The following PPP2R5E variants were observed in gnomAD, a reference collection of about 807,000 sequenced individuals.
The protein encoded by PPP2R5E is protein phosphatase 2 regulatory subunit B'epsilon.
PPP2R5E carries 4 observed loss-of-function variants against 65.3 expected under a neutral mutation model. The ratio of observed to expected loss-of-function variants is 0.06; its 90% CI spans 0.03 to 0.14. PPP2R5E has a LOEUF of 0.14. Ranked by LOEUF, PPP2R5E falls within the 10% of genes least tolerant of loss-of-function variation. The pLI is 1.00. For missense variants in PPP2R5E, 274 were observed against 556.1 expected (o/e 0.49, Z 5.10); for synonymous variants, 183 against 187.4 (o/e 0.98, Z 0.19).
At position 63,501,361 on chromosome 14, in the gene PPP2R5E, T is replaced by C. The variant is rs528957418; in HGVS notation, c.157+38168A>G. On this transcript the variant is annotated intron_variant, in intron 2 of 13. Coordinates refer to ENST00000337537, the MANE Select transcript of PPP2R5E (RefSeq NM_006246.5). The stretch of plus-strand genomic sequence containing the variant: ...CGGAGCTTGCAGTGAGCCGATACAG[T>C]GCCACTGCACTCCAGCCTGGGCGAC... Among the ~76,000 whole-genome samples the C allele has an allele frequency of 5.5e-3, 809 of 147,792 alleles. 1 individual carries two copies. The highest frequency in any genetic ancestry group is 9.1e-3 in the Non-Finnish European group (613 of 67,542).
At chr14:63,433,826 G>A (rs572251666) in intron 3 of PPP2R5E, among the ~76,000 whole-genome samples, 1 of 152,270 alleles carries the variant, frequency 6.6e-6, no homozygotes, top group East Asian at 1.9e-4. Flanking sequence ...TCCTTTGAGA[G>A]GTTATCTTTC....
chr14:63,433,032 G>GTTTTTTTTTTTTTTTTTTTTTTTTTT (rs747571866), intron 3 of PPP2R5E, among the ~76,000 whole-genome samples: 2 of 96,468 alleles, frequency 2.1e-5, no homozygotes, highest in South Asian at 3.8e-4. Flanking sequence ...GTTTTGTTTT[G>GTTTTTTTTTTTTTTTTTTTTTTTTTT]TTTTTTTTTT....
At chr14:63,379,826 CTTT>C (rs558475440) in intron 13 of PPP2R5E, among the ~76,000 whole-genome samples, 23 of 100,280 alleles carry the variant, frequency 2.3e-4, no homozygotes, top group African/African-American at 1.1e-3. Context: ...TATTCTCTCT[CTTT>C]TTTTTTTTTT....
chr14:63,382,732 G>C (rs1383523858), intron 12 of PPP2R5E, among the ~76,000 whole-genome samples: 1 of 152,160 alleles, frequency 6.6e-6, no homozygotes, highest in Non-Finnish European at 1.5e-5. Flanking sequence ...CCAGAATAGA[G>C]CTGCCTGTGG....
intron 2 of PPP2R5E, among the ~76,000 whole-genome samples, chr14:63,501,713 C>A (rs1438652476): frequency 2.6e-5 from 4 of 151,984 alleles, no homozygotes; most frequent in Admixed American, 1.3e-4. Flanking sequence ...CTGTATAGTA[C>A]GTGAATTATG....
Position 63,391,804 on chromosome 14 carries a change from A to G in PPP2R5E, c.954+13T>C. 5 of 1,610,812 alleles carry G rather than the reference A, an allele frequency of 3.1e-6. No homozygotes were observed. The highest frequency in any genetic ancestry group is 4.2e-6 in the Non-Finnish European group (5 of 1,176,976). On this transcript the variant is annotated intron_variant, in intron 10 of 13. Coordinates refer to ENST00000337537, the MANE Select transcript of PPP2R5E (RefSeq NM_006246.5). ...CAGTAAGCTATGAACACTCTCTGAC[A>G]GTAAGCACTTACCTCTTTTTGACTA...
At chr14:63,515,999 G>A (rs917424538) in intron 2 of PPP2R5E, among the ~76,000 whole-genome samples, 4 of 151,222 alleles carry the variant, frequency 2.6e-5, no homozygotes, top group South Asian at 4.2e-4. Context: ...ATAAGCGCCC[G>A]CCACCACGCC....
intron 2 of PPP2R5E, among the ~76,000 whole-genome samples, chr14:63,498,658 A>G (rs1891702417): frequency 6.6e-6 from 1 of 152,020 alleles, no homozygotes; most frequent in African/African-American, 2.4e-5. Flanking sequence ...CCCCAAGCTC[A>G]AGTAATCCTC....
chr14:63,415,097 T>C (rs771097595), intron 5 of PPP2R5E, 43 bp downstream of exon 5: 68 of 1,401,282 alleles, frequency 4.9e-5, no homozygotes, highest in Non-Finnish European at 6.2e-5. Context: ...AGATAAAGTG[T>C]TAACTGGATG....
intron 3 of PPP2R5E, among the ~76,000 whole-genome samples, chr14:63,437,068 G>A (rs985096024): frequency 1.3e-5 from 2 of 152,180 alleles, no homozygotes; most frequent in Non-Finnish European, 2.9e-5. Flanking sequence ...ATGGCAAGGA[G>A]AGTGACCTCT....
chr14:63,505,248 C>T (rs1387471747), intron 2 of PPP2R5E, among the ~76,000 whole-genome samples: 1 of 152,170 alleles, frequency 6.6e-6, no homozygotes, highest in Non-Finnish European at 1.5e-5. Context: ...GATCATGCCA[C>T]TGCACTCCAG....
At position 63,373,463 on chromosome 14, in the gene PPP2R5E, C is replaced by A. The variant is rs975330378; in HGVS notation, c.*2546G>T. 1.4e-4 allele frequency: 22 copies of A among 152,094 alleles called. No homozygotes were observed. Among genetic ancestry groups the A allele is most frequent in the African/African-American group, 5.1e-4 (21 of 41,430 alleles). The allele number at this position is 152,094 out of a possible 1,614,324, so 9.4% of individuals were successfully genotyped here. A position where few individuals can be genotyped will look rare whatever the true frequency, so the allele number is the denominator to read the frequency against. ...GATTACCTCAGTTACTCTGCGTCAC[C>A]GCACACAACATGACTAATGTCACAT... On this transcript the variant is annotated 3_prime_UTR_variant, in exon 14 of 14. Transcript: ENST00000337537.
chr14:63,465,880 T>G (rs1166345727), intron 2 of PPP2R5E, among the ~76,000 whole-genome samples: 3 of 152,134 alleles, frequency 2.0e-5, no homozygotes, highest in African/African-American at 7.2e-5. Context: ...TTCAGAAGTA[T>G]GAGAAACAAA....
Position 63,468,771 on chromosome 14 carries a change from C to T in PPP2R5E, c.158-14886G>A, listed in dbSNP as rs1310080503. On this transcript the variant is annotated intron_variant, in intron 2 of 13. Coordinates refer to ENST00000337537, the MANE Select transcript of PPP2R5E (RefSeq NM_006246.5). The stretch of plus-strand genomic sequence containing the variant: ...AGTATCATACTCACAAATATTAATA[C>T]TTATATATACTAACTAAAAGTAATA... Among the ~76,000 whole-genome samples the T allele has an allele frequency of 3.3e-5, 5 of 152,304 alleles. No homozygotes were observed. The East Asian group carries it at 7.7e-4, about 23-fold the overall frequency.
rs932827128 is a variant in PPP2R5E, at chr14:63,523,719, A to T, written c.157+15810T>A. Reference sequence around the variant, plus strand: ...AGAATGATCAAAAATAAATAAATTAAAAAAAAAAACAAAGGTTACACGCTA... The same window carrying T: ...AGAATGATCAAAAATAAATAAATTATAAAAAAAAACAAAGGTTACACGCTA... On this transcript the variant is annotated intron_variant, in intron 2 of 13. Transcript: ENST00000337537. Among the ~76,000 whole-genome samples the T allele has an allele frequency of 2.8e-5, 4 of 140,794 alleles. 1 individual carries two copies. The highest frequency in any genetic ancestry group is 1.0e-4 in the African/African-American group (4 of 38,766). 92.4% of individuals were successfully genotyped at this position (140,794 alleles called of 152,430 possible).
chr14:63,483,758 G>A (rs931046271), intron 2 of PPP2R5E, among the ~76,000 whole-genome samples: 27 of 152,090 alleles, frequency 1.8e-4, no homozygotes, highest in Admixed American at 1.2e-3. Flanking sequence ...GAGCAGAGCC[G>A]AGATGGGGGA....
At chr14:63,469,952 G>A (rs1890034680) in intron 2 of PPP2R5E, among the ~76,000 whole-genome samples, 1 of 152,128 alleles carries the variant, frequency 6.6e-6, no homozygotes, top group African/African-American at 2.4e-5. Flanking sequence ...GAACCAGAAG[G>A]GATAATTTTA....
chr14:63,430,360 T>TGC (rs1887577462), intron 3 of PPP2R5E, among the ~76,000 whole-genome samples: 3 of 131,650 alleles, frequency 2.3e-5, no homozygotes, highest in African/African-American at 1.1e-4. Context: ...CATACATACA[T>TGC]ACATACATAC....
At chr14:63,390,013 C>A (rs1416769095) in intron 10 of PPP2R5E, among the ~76,000 whole-genome samples, 1 of 151,940 alleles carries the variant, frequency 6.6e-6, no homozygotes, top group Non-Finnish European at 1.5e-5. Context: ...CCCTGAGAAG[C>A]AAAACTGACC....
Sources: allele counts gnomAD v4.1 joint callset (sites outside exome capture counted in the v4.1 genomes callset), GRCh38; gene constraint gnomAD v4.1.1; transcripts MANE v1.5; gene names NCBI Gene and HGNC (gene_info 2026-07-23, HGNC 2026-07-21).